Variants in TLN1 observed in about 807,000 individuals in gnomAD.
TLN1 encodes talin 1, also known as talin-1.
Under a neutral mutation model 292.3 loss-of-function variants are expected in TLN1, and 56 were observed. That is an observed-to-expected ratio of 0.19 (90% CI 0.15 to 0.24). The LOEUF (loss-of-function observed/expected upper bound fraction) is 0.24. Among genes scored for constraint, TLN1 ranks in the 10% least tolerant of loss-of-function variants. The probability of loss-of-function intolerance (pLI) is 1.00; values close to 1 mark genes in which losing one functional copy is unlikely to be tolerated. For missense variants in TLN1, 2,433 were observed against 3,248.2 expected (o/e 0.75, Z 6.10); for synonymous variants, 1,119 against 1,253.7 (o/e 0.89, Z 2.27).
chr9:35,706,599 C>T lies in TLN1; in HGVS notation c.5089-48G>A. 6.2e-7 allele frequency: 1 copy of T among 1,603,288 alleles called. No homozygotes were observed. Among genetic ancestry groups the T allele is most frequent in the Non-Finnish European group, 8.5e-7 (1 of 1,171,710 alleles). ...CCCTGATGGTGACCTGCAATAGGAC[C>T]CTCTGGCTACAAAGAACTGCTCTTC... On this transcript the variant is annotated intron_variant, in intron 38 of 56. Transcript: ENST00000314888. The surrounding 1 kb of genome is among the most constrained non-coding windows in gnomAD (Gnocchi z 4.2).
At chr9:35,708,290 T>TC (rs1301899636) in intron 34 of TLN1, 51 bp downstream of exon 34, 1 of 1,529,976 alleles carries the variant, frequency 6.5e-7, no homozygotes, top group African/African-American at 1.4e-5. Flanking sequence ...CTCCACGGGG[T>TC]CGGTCTGCCC....
chr9:35,726,538 C>T (rs1563948015), intron 1 of TLN1, among the ~76,000 whole-genome samples: 1 of 152,212 alleles, frequency 6.6e-6, no homozygotes, highest in Non-Finnish European at 1.5e-5. Context: ...GCCTTCTCTG[C>T]AAAATGAAGA....
intron 48 of TLN1, among the ~76,000 whole-genome samples, chr9:35,702,737 C>T (rs1034692179): frequency 3.9e-4 from 59 of 151,992 alleles, no homozygotes; most frequent in Admixed American, 5.2e-4. Flanking sequence ...GTGATCCACC[C>T]GCCTCAGCCT....
intron 33 of TLN1, among the ~76,000 whole-genome samples, chr9:35,710,117 G>A (rs1825639162): frequency 2.7e-5 from 4 of 146,146 alleles, no homozygotes; most frequent in African/African-American, 1.0e-4. Flanking sequence ...CAGCTACTTG[G>A]AAGGCTGAGG....
intron 9 of TLN1, 24 bp from the exon 10 acceptor site, chr9:35,721,827 G>A (rs770148846): frequency 6.2e-7 from 1 of 1,603,658 alleles, no homozygotes; most frequent in South Asian, 1.1e-5. Flanking sequence ...GTTGGTGTTG[G>A]TGTTACAGGT....
At chr9:35,700,108 T>C (rs1825436691) in intron 49 of TLN1, 27 bp from the exon 50 acceptor site, 1 of 1,600,820 alleles carries the variant, frequency 6.2e-7, no homozygotes, top group South Asian at 1.1e-5. Context: ...ATGTTAGCTT[T>C]AGGCCCCGCA....
In TLN1 at chr9:35,715,898, T is replaced by C. The variant is rs1415203295; in HGVS notation, c.2625+492A>G. On this transcript the variant is annotated intron_variant, in intron 20 of 56. Transcript: ENST00000314888. ...AGGATGACTAAAGTTAAGACTATTA[T>C]ATAGTTCCAAATAGCTAGGGGGAGG... is the stretch of plus-strand genomic sequence containing the variant. 2.6e-5 allele frequency among the ~76,000 whole-genome samples: 4 copies of C among 152,180 alleles called. No individual in the cohort carries two copies. The East Asian group carries it at 7.7e-4, about 29-fold the overall frequency.
At position 35,698,525 on chromosome 9, in the gene TLN1, C is replaced by G. The variant is rs759990380; in HGVS notation, c.7189-20G>C. ...CCGGGCCTAAAGCAGGGAGAGTTTGCTTAAAAATATGCCCCTTGCCCTGGT... is the reference window on the plus strand; with the variant it reads ...CCGGGCCTAAAGCAGGGAGAGTTTGGTTAAAAATATGCCCCTTGCCCTGGT... On this transcript the variant is annotated intron_variant, in intron 54 of 56. Transcript: ENST00000314888. The surrounding 1 kb of genome is among the most constrained non-coding windows in gnomAD (Gnocchi z 5.3). 6.2e-7 allele frequency: 1 copy of G among 1,613,472 alleles called. No homozygotes were observed. The highest frequency in any genetic ancestry group is 2.2e-5 in the East Asian group (1 of 44,880).
At position 35,698,034 on chromosome 9, in the gene TLN1, T is replaced by C. The variant is rs2131877767; in HGVS notation, c.7500+10A>G. On this transcript the variant is annotated intron_variant, in intron 56 of 56. Transcript: ENST00000314888. This position sits in a 1 kb window ranked among gnomAD's most constrained non-coding sequence, Gnocchi z 5.3. ...TGACAGCGTCCCTCAGCATCTGGGG[T>C]GAAGCTCACCTGGGCAATGCCGCCA... 1 of 1,614,024 alleles carries C rather than the reference T, an allele frequency of 6.2e-7. No individual in the cohort carries two copies. Among genetic ancestry groups the C allele is most frequent in the Admixed American group, 1.7e-5 (1 of 60,004 alleles).
chr9:35,731,055 T>C (rs1023392626), intron 1 of TLN1, among the ~76,000 whole-genome samples: 8 of 152,070 alleles, frequency 5.3e-5, no homozygotes, highest in South Asian at 2.1e-4. Context: ...GCTTAGAGAA[T>C]GGAATAAAGA....
chr9:35,723,972 C>T lies in TLN1; in HGVS notation c.762G>A (p.Lys254=). The change falls in exon 7 of 57, where the codon AAG becomes AAA. Residue 254 remains lysine (K), a synonymous_variant. Coordinates refer to ENST00000314888, the MANE Select transcript of TLN1 (RefSeq NM_006289.4). ...QIQFGPHNEQ[K]HKAGFLDLKD... is the part of the protein sequence containing the mutation. ...CTCACTCAAGGAAGCCAGCCTTGTG[C>T]TTCTGCTCATTGTGGGGCCCAAACT... 2 of 1,614,100 alleles carry T rather than the reference C, an allele frequency of 1.2e-6. No individual in the cohort carries two copies. Among genetic ancestry groups the T allele is most frequent in the Non-Finnish European group, 1.7e-6 (2 of 1,179,996 alleles).
chr9:35,697,842 G>A lies in TLN1; in HGVS notation c.7575C>T (p.Ile2525=). 6.2e-7 allele frequency: 1 copy of A among 1,614,180 alleles called. No individual in the cohort carries two copies. Among genetic ancestry groups the A allele is most frequent in the Non-Finnish European group, 8.5e-7 (1 of 1,180,038 alleles). ...LEEARKKLAQ[I]RQQQYKFLPS... is the part of the protein sequence containing the mutation. ...GCAGAAACTTGTACTGCTGCTGCCGGATCTGGGCCAGTTTCTTCCGCGCCT... is the reference window on the plus strand; with the variant it reads ...GCAGAAACTTGTACTGCTGCTGCCGAATCTGGGCCAGTTTCTTCCGCGCCT... The change falls in exon 57 of 57, where the codon ATC becomes ATT. Residue 2525 remains isoleucine (I), a synonymous_variant. Coordinates refer to ENST00000314888, the MANE Select transcript of TLN1 (RefSeq NM_006289.4).
chr9:35,704,428 G>A lies in TLN1; in HGVS notation c.5951C>T (p.Ala1984Val). The A allele has an allele frequency of 6.2e-7, 1 of 1,614,238 alleles. No homozygotes were observed. Among genetic ancestry groups the A allele is most frequent in the Non-Finnish European group, 8.5e-7 (1 of 1,180,040 alleles). The change falls in exon 45 of 57, where the codon GCT (alanine) becomes GTT (valine). Residue 1984 changes from alanine to valine, a missense_variant. Physicochemically the swap from Ala to Val is moderately conservative, Grantham distance 64 (BLOSUM62 0). Coordinates refer to ENST00000314888, the MANE Select transcript of TLN1 (RefSeq NM_006289.4). The surrounding 1 kb of genome is among the most constrained non-coding windows in gnomAD (Gnocchi z 6.9). ...GTQACITAAS[A>V]VSGIIADLDT... ...GAGGTCAGCAATGATACCAGACACA[G>A]CGCTGGCTGCTGTGATGCAGGCCTG...
intron 33 of TLN1, among the ~76,000 whole-genome samples, 170 bp from the exon 34 acceptor site, chr9:35,708,654 GA>G (rs978909827): frequency 2.0e-5 from 3 of 151,448 alleles, no homozygotes; most frequent in Admixed American, 6.6e-5. Flanking sequence ...CTATAAAGAA[GA>G]AAAAAAATAC....
intron 1 of TLN1, among the ~76,000 whole-genome samples, chr9:35,728,980 G>T (rs1305366642): frequency 2.6e-5 from 4 of 151,990 alleles, no homozygotes; most frequent in African/African-American, 9.7e-5. Context: ...TCAGGGAAGG[G>T]GAACCAAAAA....
Position 35,719,604 on chromosome 9 carries a change from G to C in TLN1, c.1602C>G (p.Asn534Lys), listed in dbSNP as rs763529791. The change falls in exon 15 of 57, where the codon AAC becomes AAG. Residue 534 changes from asparagine (N) to lysine (K), a missense_variant. By Grantham distance (94) the Asn-to-Lys change is moderately conservative (BLOSUM62 0). This residue lies in a region of TLN1 where 617 missense variants were observed against 770.6 expected (regional missense o/e 0.80). Transcript: ENST00000314888. The surrounding 1 kb of genome is among the most constrained non-coding windows in gnomAD (Gnocchi z 4.6). ...TCTCATGCTTTGATTCATCCATCTTGTTTTTACGCCAGGCCTTAGAGGCCT... is the reference window on the plus strand; with the variant it reads ...TCTCATGCTTTGATTCATCCATCTTCTTTTTACGCCAGGCCTTAGAGGCCT... Reference protein sequence around the residue: ...QDAASKAWRKNKMDESKHEIH... With the variant: ...QDAASKAWRKKKMDESKHEIH... 1 of 1,614,184 alleles carries C rather than the reference G, an allele frequency of 6.2e-7. No individual in the cohort carries two copies. The highest frequency in any genetic ancestry group is 8.5e-7 in the Non-Finnish European group (1 of 1,180,028).
chr9:35,725,544 C>T, intron 2 of TLN1, 21 bp downstream of exon 2: 1 of 1,608,788 alleles, frequency 6.2e-7, no homozygotes, highest in Non-Finnish European at 8.5e-7. Flanking sequence ...CCACTCCAGC[C>T]ACCGGGGGAG....
At chr9:35,705,930 C>T in intron 41 of TLN1, 32 bp downstream of exon 41, 2 of 1,614,052 alleles carry the variant, frequency 1.2e-6, no homozygotes, top group Non-Finnish European at 1.7e-6. Context: ...CCAGGGTAGC[C>T]TCAGTGTCCA....
chr9:35,701,042 T>C (rs778711750), intron 48 of TLN1, among the ~76,000 whole-genome samples: 1 of 152,058 alleles, frequency 6.6e-6, no homozygotes, highest in Non-Finnish European at 1.5e-5. Context: ...CTACTTCAAA[T>C]AGGTGGTCAG....
Sources: allele counts gnomAD v4.1 joint callset (sites outside exome capture counted in the v4.1 genomes callset), GRCh38; gene constraint gnomAD v4.1.1; regional missense constraint gnomAD v4.1.1; non-coding constraint Gnocchi (gnomAD v3.1); transcripts MANE v1.5; gene names NCBI Gene and HGNC (gene_info 2026-07-23, HGNC 2026-07-21).